ITPK1: variants seen among roughly 807,000 people sequenced by gnomAD.
ITPK1 encodes the protein inositol 1,3,4-trisphosphate 5/6-kinase.
In ITPK1, 21 loss-of-function variants were observed where a neutral mutation model predicts 45.3. The observed-to-expected ratio is 0.46, with a 90% confidence interval of 0.33 to 0.67. The LOEUF (loss-of-function observed/expected upper bound fraction) is 0.67, where lower values mean the gene tolerates loss of function less well. ITPK1 is among the 30% of genes least tolerant of loss of function. The pLI, the probability that ITPK1 is intolerant of heterozygous loss-of-function variation, is 0.02. For synonymous variants in ITPK1, 258 were observed against 253.6 expected, an observed-to-expected ratio of 1.02 and a Z score of -0.16; for missense variants, 474 against 573.5, an observed-to-expected ratio of 0.83 and a Z score of 1.77.
chr14:93,021,058 C>A (rs775094830), intron 3 of ITPK1, among the ~76,000 whole-genome samples: 2 of 152,060 alleles, frequency 1.3e-5, no homozygotes, highest in African/African-American at 2.4e-5. Context: ...CCTATACTTA[C>A]TATTCTTATT....
chr14:93,064,936 G>A (rs966676586), intron 3 of ITPK1, among the ~76,000 whole-genome samples: 1 of 152,222 alleles, frequency 6.6e-6, no homozygotes, highest in African/African-American at 2.4e-5. Context: ...CACGATGAGT[G>A]TGCGGGGAAT....
At chr14:93,019,357 T>C (rs1264056520) in intron 3 of ITPK1, among the ~76,000 whole-genome samples, 3 of 152,194 alleles carry the variant, frequency 2.0e-5, no homozygotes, top group Admixed American at 2.0e-4. Context: ...GGCATCAGCC[T>C]GAGGCCCGTA....
chr14:93,088,454 G>A (rs1005687859), intron 2 of ITPK1, among the ~76,000 whole-genome samples: 16 of 149,580 alleles, frequency 1.1e-4, no homozygotes, highest in South Asian at 2.2e-4. Flanking sequence ...ATTCTCCCGC[G>A]TTCAAGCAGG....
chr14:93,018,054 C>T (rs921801361), intron 3 of ITPK1, among the ~76,000 whole-genome samples: 5 of 152,192 alleles, frequency 3.3e-5, no homozygotes, highest in South Asian at 2.1e-4. Flanking sequence ...CCGCTCCCCA[C>T]GCCTGCTCTG....
intron 3 of ITPK1, among the ~76,000 whole-genome samples, chr14:93,075,116 C>T (rs1157324357): frequency 6.6e-6 from 1 of 151,888 alleles, no homozygotes. Context: ...CACCTGAGGT[C>T]GGGAGTTCAA....
intron 8 of ITPK1, among the ~76,000 whole-genome samples, chr14:92,956,086 C>T (rs1335921697): frequency 6.6e-6 from 1 of 151,210 alleles, no homozygotes; most frequent in Non-Finnish European, 1.5e-5. Context: ...TCCTTTTTAG[C>T]TCTGTGTGTT....
intron 5 of ITPK1, among the ~76,000 whole-genome samples, chr14:92,974,437 T>C (rs539117266): frequency 4.5e-4 from 69 of 152,292 alleles, no homozygotes; most frequent in African/African-American, 1.5e-3. Flanking sequence ...TGAAAATCTA[T>C]GACAGCCCTG....
At position 92,958,867 on chromosome 14, in the gene ITPK1, C is replaced by A. The variant is rs1884896266; in HGVS notation, c.505-501G>T. Among the ~76,000 whole-genome samples the A allele has an allele frequency of 6.6e-6, 1 of 152,160 alleles. No individual in the cohort carries two copies. The highest frequency in any genetic ancestry group is 2.4e-5 in the African/African-American group (1 of 41,434). ...GACAAGCCGGGCCCTGTTCTGAGCA[C>A]GTACACCAGTTACCTAGTGTCTCCC... On this transcript the variant is annotated intron_variant, in intron 7 of 10. Transcript: ENST00000267615. This position sits in a 1 kb window ranked among gnomAD's most constrained non-coding sequence, Gnocchi z 4.4.
chr14:93,043,993 T>C (rs1167472348), intron 3 of ITPK1, among the ~76,000 whole-genome samples: 3 of 152,166 alleles, frequency 2.0e-5, no homozygotes, highest in Non-Finnish European at 4.4e-5. Flanking sequence ...CCAACCATTC[T>C]GGAACCCGGC....
intron 4 of ITPK1, among the ~76,000 whole-genome samples, chr14:93,002,249 G>C (rs186144918): frequency 6.6e-6 from 1 of 152,210 alleles, no homozygotes; most frequent in Non-Finnish European, 1.5e-5. Context: ...GCTGAGGTGG[G>C]AGAATCACTT....
At chr14:93,094,988 T>A (rs1313158602) in intron 2 of ITPK1, among the ~76,000 whole-genome samples, 1 of 152,142 alleles carries the variant, frequency 6.6e-6, no homozygotes, top group African/African-American at 2.4e-5. Flanking sequence ...CAAACATACC[T>A]CTCAAGGGTC....
chr14:93,019,707 T>C (rs182585533), intron 3 of ITPK1, among the ~76,000 whole-genome samples: 3 of 152,014 alleles, frequency 2.0e-5, no homozygotes, highest in African/African-American at 7.2e-5. Context: ...CTCCCTCCAC[T>C]AGCTAGAAAA....
chr14:93,115,905 A>C lies in ITPK1; in HGVS notation c.-276T>G, dbSNP rs1333448021. 7.0e-6 allele frequency: 1 copy of C among 143,586 alleles called. No individual in the cohort carries two copies. Among genetic ancestry groups the C allele is most frequent in the Non-Finnish European group, 1.5e-5 (1 of 65,016 alleles). The allele number at this position is 143,586 out of a possible 1,614,324, so 8.9% of individuals were successfully genotyped here. A position where few individuals can be genotyped will look rare whatever the true frequency, so the allele number is the denominator to read the frequency against. ...CGCGCTGGCCCGGCCGCCCCGCTTGAGCCCGCGGCGGCGAGGAAGCGGCGG... is the reference window on the plus strand; with the variant it reads ...CGCGCTGGCCCGGCCGCCCCGCTTGCGCCCGCGGCGGCGAGGAAGCGGCGG... On this transcript the variant is annotated 5_prime_UTR_variant, in exon 1 of 11. Coordinates refer to ENST00000267615, the MANE Select transcript of ITPK1 (RefSeq NM_014216.6).
In ITPK1 at chr14:93,050,801, C is replaced by T. The variant is rs1005028875; in HGVS notation, c.120+25794G>A. Reference sequence around the variant, plus strand: ...TACCGAGACCTCCAGTCGCCAGCATCGGGTAGGCCCACACGTGTGGGGGAG... The same window carrying T: ...TACCGAGACCTCCAGTCGCCAGCATTGGGTAGGCCCACACGTGTGGGGGAG... On this transcript the variant is annotated intron_variant, in intron 3 of 10. Transcript: ENST00000267615. Among the ~76,000 whole-genome samples, 67 of 151,950 alleles carry T rather than the reference C, an allele frequency of 4.4e-4. 1 individual carries two copies. Among genetic ancestry groups the T allele is most frequent in the African/African-American group, 1.4e-3 (59 of 41,434 alleles).
chr14:93,072,880 A>G (rs559486938), intron 3 of ITPK1, among the ~76,000 whole-genome samples: 2 of 152,344 alleles, frequency 1.3e-5, no homozygotes, highest in East Asian at 3.9e-4. Context: ...CACCCAAAAC[A>G]AAGGTCATTC....
rs558581131 is a variant in ITPK1 at position 93,045,927 on chromosome 14, G to A, written c.121-29126C>T. On this transcript the variant is annotated intron_variant, in intron 3 of 10. Coordinates refer to ENST00000267615, the MANE Select transcript of ITPK1 (RefSeq NM_014216.6). ...CCAGTGCCCCCAAATGAGGACCCAC[G>A]TTGCCTCCGACTTCCTTTCCACACT... 1.7e-4 allele frequency among the ~76,000 whole-genome samples: 26 copies of A among 152,224 alleles called. No homozygotes were observed. In the South Asian group the frequency reaches 2.7e-3, roughly 16 times the overall value.
chr14:92,959,223 T>A (rs1452686261), intron 7 of ITPK1, among the ~76,000 whole-genome samples: 1 of 152,050 alleles, frequency 6.6e-6, no homozygotes, highest in Non-Finnish European at 1.5e-5. Flanking sequence ...GACAGAGGGG[T>A]GGGCCCTAGG....
chr14:93,016,530 C>T lies in ITPK1; in HGVS notation c.246+146G>A. 1.1e-6 allele frequency: 1 copy of T among 891,916 alleles called. No individual in the cohort carries two copies. Among genetic ancestry groups the T allele is most frequent in the Non-Finnish European group, 1.7e-6 (1 of 580,646 alleles). 55.3% of individuals were successfully genotyped at this position (891,916 alleles called of 1,614,324 possible). A position where few individuals can be genotyped will look rare whatever the true frequency, so the allele number is the denominator to read the frequency against. On this transcript the variant is annotated intron_variant, in intron 4 of 10. Coordinates refer to ENST00000267615, the MANE Select transcript of ITPK1 (RefSeq NM_014216.6). The surrounding 1 kb of genome is among the most constrained non-coding windows in gnomAD (Gnocchi z 5.0). ...CCGCACAGAAGTACCTGCCCACGAGCCCATGTCTTGCCAGTGGCAGAGCCA... is the reference window on the plus strand; with the variant it reads ...CCGCACAGAAGTACCTGCCCACGAGTCCATGTCTTGCCAGTGGCAGAGCCA...
intron 4 of ITPK1, among the ~76,000 whole-genome samples, chr14:92,999,362 G>A (rs569930390): frequency 2.6e-5 from 4 of 152,248 alleles, no homozygotes; most frequent in African/African-American, 7.2e-5. Flanking sequence ...ACAAAGTCCC[G>A]GGCTCCGGCC....
Sources: gnomAD v4.1 joint callset for allele counts (sites outside exome capture counted in the v4.1 genomes callset) on GRCh38, gnomAD v4.1.1 for gene constraint, Gnocchi (gnomAD v3.1) non-coding constraint, MANE v1.5 for transcripts, NCBI Gene and HGNC (gene_info 2026-07-23, HGNC 2026-07-21) for gene names.